BMP5: variants seen among roughly 807,000 people sequenced by gnomAD.
BMP5 encodes bone morphogenetic protein 5.
Under a neutral mutation model 46.6 loss-of-function variants are expected in BMP5, and 23 were observed. That is an observed-to-expected ratio of 0.49 (90% confidence interval 0.35 to 0.70). The LOEUF is 0.70. Among genes scored for constraint, BMP5 ranks in the 30% least tolerant of loss-of-function variants. The pLI is 0.00. For missense variants in BMP5, 545 were observed against 565.6 expected, an observed-to-expected ratio of 0.96 and a Z score of 0.37; for synonymous variants, 204 against 191.9, an observed-to-expected ratio of 1.06 and a Z score of -0.52.
At chr6:55,869,755 G>C (rs974955952) in intron 1 of BMP5, among the ~76,000 whole-genome samples, 1 of 152,182 alleles carries the variant, frequency 6.6e-6, no homozygotes, top group Non-Finnish European at 1.5e-5. Flanking sequence ...AATTACAGGG[G>C]ATGGCAAGAG....
At chr6:55,837,723 T>C (rs1405262472) in intron 1 of BMP5, among the ~76,000 whole-genome samples, 1 of 152,170 alleles carries the variant, frequency 6.6e-6, no homozygotes, top group African/African-American at 2.4e-5. Context: ...AGTCATTCTG[T>C]TGTGCTACCA....
chr6:55,868,898 G>T (rs1582134244), intron 1 of BMP5, among the ~76,000 whole-genome samples: 1 of 152,136 alleles, frequency 6.6e-6, no homozygotes, highest in East Asian at 1.9e-4. Flanking sequence ...TTAGCCAAGG[G>T]TATTATTTTA....
chr6:55,829,023 A>G (rs1291243490), intron 1 of BMP5, among the ~76,000 whole-genome samples: 1 of 151,888 alleles, frequency 6.6e-6, no homozygotes, highest in African/African-American at 2.4e-5. Context: ...GGAATAATAT[A>G]TAATTAATAG....
At chr6:55,817,768 A>C (rs1776311901) in intron 2 of BMP5, among the ~76,000 whole-genome samples, 1 of 152,034 alleles carries the variant, frequency 6.6e-6, no homozygotes, top group Non-Finnish European at 1.5e-5. Context: ...AAATAAAATA[A>C]AATAAAAAAG....
intron 3 of BMP5, among the ~76,000 whole-genome samples, chr6:55,793,561 G>A (rs147645223): frequency 2.0e-5 from 3 of 152,166 alleles, no homozygotes; most frequent in African/African-American, 7.2e-5. Context: ...TCTTTGATGT[G>A]TCACTATTTT....
intron 2 of BMP5, among the ~76,000 whole-genome samples, chr6:55,813,604 G>C (rs1035694160): frequency 2.6e-5 from 4 of 151,814 alleles, no homozygotes; most frequent in African/African-American, 4.8e-5. Flanking sequence ...CCTGGCTAAC[G>C]GTGAAACCCC....
chr6:55,848,384 C>A (rs1041944679), intron 1 of BMP5, among the ~76,000 whole-genome samples: 2 of 151,916 alleles, frequency 1.3e-5, no homozygotes, highest in Non-Finnish European at 2.9e-5. Context: ...AGTAATAACA[C>A]ACAAAATTTA....
intron 1 of BMP5, among the ~76,000 whole-genome samples, chr6:55,840,862 C>T (rs979773024): frequency 1.3e-5 from 2 of 152,154 alleles, no homozygotes; most frequent in African/African-American, 4.8e-5. Context: ...GTATAGTTCT[C>T]CTTAGGCTTC....
chr6:55,760,655 T>A, intron 4 of BMP5, 122 bp from the exon 5 acceptor site: 1 of 849,956 alleles, frequency 1.2e-6, no homozygotes, highest in Non-Finnish European at 1.9e-6. Context: ...AAAATGAGTT[T>A]CAATCTTAAA....
chr6:55,755,771 T>C, intron 6 of BMP5, 89 bp from the exon 7 acceptor site: 2 of 1,276,634 alleles, frequency 1.6e-6, no homozygotes, highest in Admixed American at 3.7e-5. Context: ...TTATCACTCA[T>C]AATCAGGCAC....
chr6:55,801,014 A>G (rs946209350), intron 2 of BMP5, among the ~76,000 whole-genome samples: 4 of 152,214 alleles, frequency 2.6e-5, no homozygotes, highest in Non-Finnish European at 5.9e-5. Context: ...AGAAACAGCT[A>G]AGAAGTGACT....
rs1582104040 is a variant in BMP5 at position 55,834,566 on chromosome 6, A to T, written c.491-14719T>A. On this transcript the variant is annotated intron_variant, in intron 1 of 6. Transcript: ENST00000370830. ...TTCAGGCCAATATACATTCATTTAG[A>T]TTATGGCTATAAAAATTTAACTATC... is the stretch of plus-strand genomic sequence containing the variant. Among the ~76,000 whole-genome samples, 3 of 152,232 alleles carry T rather than the reference A, an allele frequency of 2.0e-5. No individual in the cohort carries two copies. The East Asian group carries it at 5.8e-4, about 29-fold the overall frequency.
intron 1 of BMP5, among the ~76,000 whole-genome samples, chr6:55,830,039 C>T (rs1776628624): frequency 6.6e-6 from 1 of 151,758 alleles, no homozygotes; most frequent in Non-Finnish European, 1.5e-5. Context: ...CATAAGTTTC[C>T]CTAATATCAT....
Position 55,874,776 on chromosome 6 carries a change from T to C in BMP5, c.90A>G (p.Gly30=). 1.2e-6 allele frequency: 2 copies of C among 1,613,446 alleles called. No homozygotes were observed. The highest frequency in any genetic ancestry group is 1.7e-6 in the Non-Finnish European group (2 of 1,179,658). Residue 30 remains glycine (G), a synonymous_variant, in exon 1 of 7, where the codon GGA becomes GGG. Transcript: ENST00000370830. ...VLVGYAKGGL[G]DNHVHSSFIY... is the part of the protein sequence containing the mutation. ...TAAAACTGGAGTGAACATGATTGTCTCCCAAACCTCCTTTTGCATAACCCA... is the reference window on the plus strand; with the variant it reads ...TAAAACTGGAGTGAACATGATTGTCCCCCAAACCTCCTTTTGCATAACCCA...
At chr6:55,801,590 G>T (rs1775850232) in intron 2 of BMP5, among the ~76,000 whole-genome samples, 1 of 152,196 alleles carries the variant, frequency 6.6e-6, no homozygotes, top group Non-Finnish European at 1.5e-5. Flanking sequence ...GACTTAAATA[G>T]ATTGGTTAGC....
intron 1 of BMP5, among the ~76,000 whole-genome samples, chr6:55,844,451 AC>A (rs1365480459): frequency 6.6e-6 from 1 of 152,010 alleles, no homozygotes; most frequent in African/African-American, 2.4e-5. Context: ...ACAACAGATT[AC>A]GCATATTTGT....
chr6:55,851,378 G>A (rs1242902073), intron 1 of BMP5, among the ~76,000 whole-genome samples: 1 of 152,100 alleles, frequency 6.6e-6, no homozygotes, highest in Non-Finnish European at 1.5e-5. Flanking sequence ...GTATGTCACA[G>A]GAGAAGGGAG....
chr6:55,794,281 TC>T lies in BMP5; in HGVS notation c.829del (p.Asp277MetfsTer7). 6.2e-7 allele frequency: 1 copy of T among 1,613,874 alleles called. No individual in the cohort carries two copies. Among genetic ancestry groups the T allele is most frequent in the African/African-American group, 1.3e-5 (1 of 75,026 alleles). On this transcript the variant is annotated frameshift_variant, in exon 3 of 7. Coordinates refer to ENST00000370830, the MANE Select transcript of BMP5 (RefSeq NM_021073.4). LOFTEE classifies it high-confidence loss of function. ...LGLQLCAETGDGRSINVKSAG... is the reference protein window; with the variant it reads ...LGLQLCAETGXGRSINVKSAG... ...AATATATAAAATTCAGTGCTTACCATCCCCTGTTTCTGCACAGAGCTGTAAG... is the reference window on the plus strand; with the variant it reads ...AATATATAAAATTCAGTGCTTACCATCCCTGTTTCTGCACAGAGCTGTAAG...
At chr6:55,851,144 T>C (rs1582119061) in intron 1 of BMP5, among the ~76,000 whole-genome samples, 2 of 151,800 alleles carry the variant, frequency 1.3e-5, no homozygotes, top group East Asian at 3.9e-4. Context: ...TTGCTTTTTT[T>C]TTTTTTTTAC....
Sources: allele counts gnomAD v4.1 joint callset (sites outside exome capture counted in the v4.1 genomes callset), GRCh38; gene constraint gnomAD v4.1.1; transcripts MANE v1.5; gene names NCBI Gene and HGNC (gene_info 2026-07-23, HGNC 2026-07-21).